The following CD109 variants were observed in gnomAD, a reference collection of about 807,000 sequenced individuals.
CD109 encodes CD109 antigen.
In CD109, 149 loss-of-function variants were observed where a neutral mutation model predicts 165.8. That is an observed-to-expected ratio of 0.90 (90% confidence interval 0.79 to 1.03). The LOEUF is 1.03. CD109 is among the 50% of genes least tolerant of loss of function. The probability of loss-of-function intolerance (pLI) is 0.00; values close to 1 mark genes in which losing one functional copy is unlikely to be tolerated. For synonymous variants in CD109, 585 were observed against 592.1 expected, an observed-to-expected ratio of 0.99 and a Z score of 0.18; for missense variants, 1,712 against 1,677.8, an observed-to-expected ratio of 1.02 and a Z score of -0.36.
the CD109 span, among the ~76,000 whole-genome samples, chr6:73,681,753 C>A: frequency 2.6e-5 from 4 of 152,026 alleles, no homozygotes; most frequent in Non-Finnish European, 4.4e-5. Context: ...CAGGTGCACA[C>A]CACCACACCT....
rs1403084374 is a variant in CD109, at chr6:73,823,525, C to T, written c.4230C>T (p.Val1410=). The change falls in exon 33 of 33, where the codon GTC becomes GTT. Residue 1410 remains valine, a synonymous_variant. Transcript: ENST00000287097. The part of the protein sequence containing the change: ...KLSSCDLCSD[V]QGCRPCEDGA... ...CCTCCTGTGACCTTTGCAGTGATGT[C>T]CAGGGCTGCCGTCCTTGTGAGGATG... 13 of 1,613,992 alleles carry T rather than the reference C, an allele frequency of 8.1e-6. No individual in the cohort carries two copies. The highest frequency in any genetic ancestry group is 1.1e-5 in the Non-Finnish European group (13 of 1,179,908).
At chr6:73,806,247 C>G (rs528350244) in intron 24 of CD109, among the ~76,000 whole-genome samples, 3 of 151,612 alleles carry the variant, frequency 2.0e-5, no homozygotes, top group Non-Finnish European at 4.4e-5. Flanking sequence ...TCATTCTCAG[C>G]AAACTATCGC....
chr6:73,766,878 C>T lies in CD109; in HGVS notation c.1434+18C>T, dbSNP rs1582126821. 1 of 1,605,944 alleles carries T rather than the reference C, an allele frequency of 6.2e-7. No homozygotes were observed. Among genetic ancestry groups the T allele is most frequent in the Non-Finnish European group, 8.5e-7 (1 of 1,173,238 alleles). On this transcript the variant is annotated intron_variant, in intron 12 of 32. Transcript: ENST00000287097. Reference sequence around the variant, plus strand: ...ATATAAAGGTAATGCTTACAATTCACTTGAGAATTACAATATAATTGGACT... The same window carrying T: ...ATATAAAGGTAATGCTTACAATTCATTTGAGAATTACAATATAATTGGACT...
chr6:73,740,452 C>T (rs1772727797), intron 5 of CD109, among the ~76,000 whole-genome samples: 1 of 152,024 alleles, frequency 6.6e-6, no homozygotes, highest in Non-Finnish European at 1.5e-5. Flanking sequence ...GTGAATAAGT[C>T]CTTTATGATA....
At chr6:73,729,288 AC>A (rs1457540013) in intron 3 of CD109, among the ~76,000 whole-genome samples, 1 of 152,164 alleles carries the variant, frequency 6.6e-6, no homozygotes, top group Non-Finnish European at 1.5e-5. Flanking sequence ...TTTTGAAGGG[AC>A]TAAAGTCAGA....
chr6:73,764,714 G>T (rs1460576452), intron 10 of CD109, among the ~76,000 whole-genome samples: 1 of 151,948 alleles, frequency 6.6e-6, no homozygotes, highest in Non-Finnish European at 1.5e-5. Flanking sequence ...TACTCGGGAG[G>T]CTGAGGCAGA....
Position 73,696,245 on chromosome 6 carries a change from C to T in CD109, c.30C>T (p.Ala10=), listed in dbSNP as rs761773703. MQGPPLLTA[A]HLLCVCTAAL... ...AGGGCCCACCGCTCCTGACCGCCGC[C>T]CACCTCCTCTGCGTGTGCACCGCCG... Residue 10 remains alanine, a synonymous_variant, in exon 1 of 33, where the codon GCC becomes GCT. Coordinates refer to ENST00000287097, the MANE Select transcript of CD109 (RefSeq NM_133493.5). 9.7e-6 allele frequency: 15 copies of T among 1,543,004 alleles called. No homozygotes were observed. In the Admixed American group the frequency reaches 2.5e-4, roughly 26 times the overall value.
intron 5 of CD109, among the ~76,000 whole-genome samples, chr6:73,752,118 A>G (rs777932540): frequency 8.5e-5 from 13 of 152,372 alleles, no homozygotes; most frequent in East Asian, 5.8e-4. Flanking sequence ...TGAAATGACC[A>G]TAAAAGAACA....
chr6:73,700,073 C>T (rs1582027444), intron 2 of CD109, among the ~76,000 whole-genome samples: 2 of 152,176 alleles, frequency 1.3e-5, no homozygotes, highest in African/African-American at 4.8e-5. Context: ...CACCAAACAC[C>T]AACAAATAAA....
chr6:73,735,735 A>C (rs971865825), intron 4 of CD109, among the ~76,000 whole-genome samples: 1 of 152,176 alleles, frequency 6.6e-6, no homozygotes, highest in Admixed American at 6.5e-5. Flanking sequence ...CTGGTGCTGT[A>C]ATATTGAGTC....
At chr6:73,717,230 T>TTC (rs397886517) in intron 2 of CD109, among the ~76,000 whole-genome samples, 2 of 152,024 alleles carry the variant, frequency 1.3e-5, no homozygotes, top group African/African-American at 4.8e-5. Flanking sequence ...TTTTTTTTTT[T>TTC]CTTTCTCAGT....
chr6:73,798,257 G>C (rs1217768383), intron 23 of CD109, among the ~76,000 whole-genome samples: 2 of 152,050 alleles, frequency 1.3e-5, no homozygotes, highest in Non-Finnish European at 2.9e-5. Flanking sequence ...TGGGACTACA[G>C]GTGTGTGCCA....
chr6:73,768,300 CT>C lies in CD109; in HGVS notation c.1674+72del, dbSNP rs1209655710. On this transcript the variant is annotated intron_variant, in intron 14 of 32. Coordinates refer to ENST00000287097, the MANE Select transcript of CD109 (RefSeq NM_133493.5). ...GTGAAGTCTGAGAAATGTAATATTT[CT>C]TTAGAAAAGTATCATTAAGCCAAAC... 1.1e-4 allele frequency: 108 copies of C among 983,264 alleles called. No homozygotes were observed. In the East Asian group the frequency reaches 2.7e-3, roughly 25 times the overall value. 60.9% of individuals were successfully genotyped at this position (983,264 alleles called of 1,614,324 possible). A position where few individuals can be genotyped will look rare whatever the true frequency, so the allele number is the denominator to read the frequency against.
chr6:73,763,542 T>C (rs776978300), intron 9 of CD109, 34 bp from the exon 10 acceptor site: 46 of 1,232,828 alleles, frequency 3.7e-5, no homozygotes, highest in Admixed American at 1.1e-4. Context: ...GAAACATTAC[T>C]TTTGCTTTCT....
chr6:73,712,930 T>C (rs1341814111), intron 2 of CD109, among the ~76,000 whole-genome samples: 2 of 152,204 alleles, frequency 1.3e-5, no homozygotes, highest in African/African-American at 4.8e-5. Context: ...ATACTGGGTT[T>C]CAAGAGGTGG....
At position 73,785,332 on chromosome 6, in the gene CD109, A is replaced by G. The variant is rs777357173; in HGVS notation, c.2224-32A>G. The stretch of plus-strand genomic sequence containing the variant: ...TAAAATGTGAAGAATTTTGACCTGA[A>G]TAAAAATATGTACTCGTTGTGTTCT... On this transcript the variant is annotated intron_variant, in intron 19 of 32. Transcript: ENST00000287097. The G allele has an allele frequency of 2.5e-6, 3 of 1,207,800 alleles. No individual in the cohort carries two copies. In the South Asian group the frequency reaches 3.9e-5, roughly 16 times the overall value. 74.8% of individuals were successfully genotyped at this position (1,207,800 alleles called of 1,614,324 possible).
At chr6:73,712,546 A>G (rs1428478577) in intron 2 of CD109, among the ~76,000 whole-genome samples, 2 of 152,100 alleles carry the variant, frequency 1.3e-5, no homozygotes, top group African/African-American at 4.8e-5. Flanking sequence ...CCCTTCAATG[A>G]TTTTCCAAAG....
Position 73,723,642 on chromosome 6 carries a change from C to A in CD109, c.276+363C>A, listed in dbSNP as rs200879893. 7.9e-5 allele frequency among the ~76,000 whole-genome samples: 12 copies of A among 152,164 alleles called. No individual in the cohort carries two copies. The East Asian group carries it at 2.3e-3, about 29-fold the overall frequency. ...TATCTTTAGCAAACTAAAATAGGAA[C>A]AGAAAACTAAACACCACATGTTCTC... On this transcript the variant is annotated intron_variant, in intron 3 of 32. Coordinates refer to ENST00000287097, the MANE Select transcript of CD109 (RefSeq NM_133493.5).
intron 23 of CD109, among the ~76,000 whole-genome samples, chr6:73,798,762 G>T (rs1451414089): frequency 6.6e-6 from 1 of 152,032 alleles, no homozygotes; most frequent in Non-Finnish European, 1.5e-5. Flanking sequence ...CCACCTGAGG[G>T]GTAATTTCCA....
Sources: gnomAD v4.1 joint callset for allele counts (sites outside exome capture counted in the v4.1 genomes callset) on GRCh38, gnomAD v4.1.1 for gene constraint, MANE v1.5 for transcripts, NCBI Gene and HGNC (gene_info 2026-07-23, HGNC 2026-07-21) for gene names.